EIF3J: variants seen among roughly 807,000 people sequenced by gnomAD.
EIF3J encodes the protein eukaryotic translation initiation factor 3 subunit J.
Under a neutral mutation model 39.0 loss-of-function variants are expected in EIF3J, and 15 were observed. The ratio of observed to expected loss-of-function variants is 0.38; its 90% CI spans 0.26 to 0.59. EIF3J has a LOEUF of 0.59. Ranked by LOEUF, EIF3J falls within the 20% of genes least tolerant of loss-of-function variation. The probability of loss-of-function intolerance (pLI) is 0.60; values close to 1 mark genes in which losing one functional copy is unlikely to be tolerated. For missense variants in EIF3J, 226 were observed against 308.6 expected (o/e 0.73, Z 2.00); for synonymous variants, 98 against 112.9 (o/e 0.87, Z 0.84).
At chr15:44,555,617 T>C (rs1460727918) in intron 5 of EIF3J, among the ~76,000 whole-genome samples, 1 of 152,188 alleles carries the variant, frequency 6.6e-6, no homozygotes, top group African/African-American at 2.4e-5. Context: ...TGTGTCTTCC[T>C]AGGATGGTAA....
chr15:44,538,050 C>G (rs573140423), intron 2 of EIF3J, among the ~76,000 whole-genome samples: 4 of 152,032 alleles, frequency 2.6e-5, no homozygotes, highest in Non-Finnish European at 5.9e-5. Context: ...GACAGAAACC[C>G]AGGTAGTTCA....
rs1408741902 is a variant in EIF3J, at chr15:44,561,933, A to G, written c.*784A>G. Reference sequence around the variant, plus strand: ...TAGGCTGCAATGGAACAACTTTACCAGGGTTTTGGCATTTCCTTTCCTTTC... The same window carrying G: ...TAGGCTGCAATGGAACAACTTTACCGGGGTTTTGGCATTTCCTTTCCTTTC... On this transcript the variant is annotated 3_prime_UTR_variant, in exon 8 of 8. Coordinates refer to ENST00000261868, the MANE Select transcript of EIF3J (RefSeq NM_003758.4). The G allele has an allele frequency of 6.6e-6, 1 of 152,584 alleles. No individual in the cohort carries two copies. The highest frequency in any genetic ancestry group is 1.5e-5 in the Non-Finnish European group (1 of 68,030). The allele number at this position is 152,584 out of a possible 1,614,324, so 9.5% of individuals were successfully genotyped here.
intron 5 of EIF3J, among the ~76,000 whole-genome samples, chr15:44,555,116 C>T (rs1159665734): frequency 1.3e-5 from 2 of 152,166 alleles, no homozygotes; most frequent in Non-Finnish European, 2.9e-5. Context: ...TGCAACCCTT[C>T]TTTGCCCTTA....
Position 44,555,690 on chromosome 15 carries a change from A to G in EIF3J, c.409+1023A>G, listed in dbSNP as rs1042865860. Among the ~76,000 whole-genome samples, 10 of 152,348 alleles carry G rather than the reference A, an allele frequency of 6.6e-5. No homozygotes were observed. The East Asian group carries it at 1.7e-3, about 26-fold the overall frequency. On this transcript the variant is annotated intron_variant, in intron 5 of 7. Transcript: ENST00000261868. ...AAGTGTGCATAAAGCCTAGCATGGG[A>G]CACCTGTTATAGACTAAAAGGTAAA...
chr15:44,545,614 G>T (rs977506112), intron 2 of EIF3J, among the ~76,000 whole-genome samples: 1 of 151,878 alleles, frequency 6.6e-6, no homozygotes, highest in Non-Finnish European at 1.5e-5. Context: ...ATATTTATGG[G>T]GTATATTGTG....
chr15:44,556,326 C>T (rs2082144029), intron 5 of EIF3J, among the ~76,000 whole-genome samples: 1 of 152,080 alleles, frequency 6.6e-6, no homozygotes, highest in South Asian at 2.1e-4. Context: ...CAGAGTATCC[C>T]TTTTGTAATG....
chr15:44,544,912 G>T (rs929389190), intron 2 of EIF3J, among the ~76,000 whole-genome samples: 4 of 151,498 alleles, frequency 2.6e-5, no homozygotes, highest in African/African-American at 9.7e-5. Flanking sequence ...GCTGAGGCAG[G>T]AAAATTGCTT....
intron 5 of EIF3J, among the ~76,000 whole-genome samples, chr15:44,555,816 G>A (rs1007496010): frequency 1.6e-4 from 24 of 152,126 alleles, no homozygotes; most frequent in African/African-American, 3.4e-4. Context: ...TACTTGACAT[G>A]GAGGATACAG....
chr15:44,547,340 T>C (rs1425753079), intron 2 of EIF3J, among the ~76,000 whole-genome samples: 6 of 151,294 alleles, frequency 4.0e-5, no homozygotes, highest in Non-Finnish European at 8.8e-5. Flanking sequence ...ACGGGGTTTC[T>C]CCATGTTGGT....
At chr15:44,551,308 A>C in intron 3 of EIF3J, 123 bp from the exon 4 acceptor site, 2 of 681,252 alleles carry the variant, frequency 2.9e-6, no homozygotes, top group Non-Finnish European at 4.9e-6. Context: ...TATTTGTGAG[A>C]AAAATCACTG....
intron 4 of EIF3J, among the ~76,000 whole-genome samples, chr15:44,552,715 C>T (rs1458109074): frequency 2.0e-5 from 3 of 152,084 alleles, no homozygotes; most frequent in East Asian, 1.9e-4. Context: ...CATGTGCTAC[C>T]ATGCCCAGCT....
intron 6 of EIF3J, 78 bp from the exon 7 acceptor site, chr15:44,560,171 T>C: frequency 1.8e-6 from 2 of 1,127,026 alleles, no homozygotes; most frequent in South Asian, 1.5e-5. Flanking sequence ...TAGATATATA[T>C]GGAATGTACA....
intron 2 of EIF3J, 72 bp downstream of exon 2, chr15:44,537,499 G>T: frequency 7.1e-7 from 1 of 1,406,416 alleles, no homozygotes; most frequent in Non-Finnish European, 9.2e-7. Context: ...CTGGGCCCCG[G>T]GTCGCTGCCG....
At chr15:44,554,297 A>G (rs1368760444) in intron 4 of EIF3J, among the ~76,000 whole-genome samples, 1 of 151,246 alleles carries the variant, frequency 6.6e-6, no homozygotes, top group Non-Finnish European at 1.5e-5. Flanking sequence ...GAATCACTTG[A>G]ACCCAGGAGG....
intron 2 of EIF3J, among the ~76,000 whole-genome samples, chr15:44,549,199 G>C (rs2082077952): frequency 6.6e-6 from 1 of 151,918 alleles, no homozygotes; most frequent in South Asian, 2.1e-4. Context: ...TTCGAGATCA[G>C]CCTGACCAAC....
At chr15:44,548,159 C>G (rs908128597) in intron 2 of EIF3J, among the ~76,000 whole-genome samples, 1 of 152,138 alleles carries the variant, frequency 6.6e-6, no homozygotes, top group African/African-American at 2.4e-5. Flanking sequence ...TGGTGGCTCA[C>G]GCCTGCAATC....
chr15:44,542,739 A>G (rs192353424), intron 2 of EIF3J, among the ~76,000 whole-genome samples: 1 of 152,248 alleles, frequency 6.6e-6, no homozygotes, highest in Non-Finnish European at 1.5e-5. Flanking sequence ...ATGGGTGTGT[A>G]TCTGCAGGGC....
Position 44,559,493 on chromosome 15 carries a change from G to A in EIF3J, c.572-756G>A, listed in dbSNP as rs561015818. 2.1e-4 allele frequency among the ~76,000 whole-genome samples: 32 copies of A among 151,462 alleles called. No individual in the cohort carries two copies. In the South Asian group the frequency reaches 4.8e-3, roughly 23 times the overall value. On this transcript the variant is annotated intron_variant, in intron 6 of 7. Transcript: ENST00000261868. ...TGGGAGGCCGAGGCAGGCGGATCAC[G>A]TCAGGAGATCAAGAGCATCCTGGCT...
intron 2 of EIF3J, 88 bp downstream of exon 2, chr15:44,537,515 T>G (rs2140886678): frequency 3.7e-6 from 5 of 1,333,402 alleles, no homozygotes; most frequent in Non-Finnish European, 4.9e-6. Context: ...TGCCGGGGCC[T>G]GCGGGCCGTG....
Sources: gnomAD v4.1 joint callset for allele counts (sites outside exome capture counted in the v4.1 genomes callset) on GRCh38, gnomAD v4.1.1 for gene constraint, MANE v1.5 for transcripts, NCBI Gene and HGNC (gene_info 2026-07-23, HGNC 2026-07-21) for gene names.